TASP1: variants seen among roughly 807,000 people sequenced by gnomAD.
TASP1 encodes the protein threonine aspartase 1.
A neutral mutation model predicts 56.6 loss-of-function variants in TASP1; 16 were observed. The ratio of observed to expected loss-of-function variants is 0.28; its 90% CI spans 0.19 to 0.43. The LOEUF is 0.43. TASP1 is among the 20% of genes least tolerant of loss of function. The pLI is 1.00. For missense variants in TASP1, 393 were observed against 511.6 expected (o/e 0.77, Z 2.24); for synonymous variants, 179 against 184.2 (o/e 0.97, Z 0.23).
At chr20:13,519,219 A>G (rs976336089) in intron 10 of TASP1, among the ~76,000 whole-genome samples, 3 of 152,138 alleles carry the variant, frequency 2.0e-5, no homozygotes, top group African/African-American at 7.2e-5. Context: ...AAAACTATCT[A>G]TTGGGTACTA....
the TASP1 span, among the ~76,000 whole-genome samples, chr20:13,365,227 TGTTC>T: frequency 0.011 from 1,630 of 152,360 alleles, 30 homozygotes; most frequent in African/African-American, 0.034. Context: ...CTTATCTATT[TGTTC>T]TTTATTCATT....
At chr20:13,400,521 T>G (rs2041697285) in intron 13 of TASP1, among the ~76,000 whole-genome samples, 1 of 152,218 alleles carries the variant, frequency 6.6e-6, no homozygotes, top group South Asian at 2.1e-4. Flanking sequence ...AAGAAAGATC[T>G]ATTTCCAAGT....
the TASP1 span, among the ~76,000 whole-genome samples, chr20:13,265,609 C>T: frequency 7.9e-5 from 12 of 152,156 alleles, no homozygotes; most frequent in Admixed American, 3.9e-4. Context: ...AAGCTCTGCA[C>T]TCAATCCATT....
chr20:13,362,100 G>A, the TASP1 span, among the ~76,000 whole-genome samples: 4 of 149,406 alleles, frequency 2.7e-5, no homozygotes, highest in Admixed American at 2.0e-4. Flanking sequence ...AGGTTCCCAC[G>A]CCGCCCCTAA....
intron 11 of TASP1, among the ~76,000 whole-genome samples, chr20:13,479,779 G>A (rs867821127): frequency 2.0e-5 from 3 of 152,054 alleles, no homozygotes; most frequent in Non-Finnish European, 4.4e-5. Context: ...TACAGGCCAC[G>A]GCATTCAGCC....
At chr20:13,122,126 T>C in the TASP1 span, among the ~76,000 whole-genome samples, 2 of 152,334 alleles carry the variant, frequency 1.3e-5, no homozygotes, top group African/African-American at 4.8e-5. Context: ...TTCCTCCATC[T>C]CTAAAACCCG....
rs150337500 is a variant in TASP1 at position 13,480,715 on chromosome 20, GT to G, written c.985+2511del. Among the ~76,000 whole-genome samples the G allele has an allele frequency of 6.9e-3, 1,054 of 152,312 alleles. 12 individuals carry two copies. Among genetic ancestry groups the G allele is most frequent in the African/African-American group, 0.024 (1,004 of 41,570 alleles). On this transcript the variant is annotated intron_variant, in intron 11 of 13. Coordinates refer to ENST00000337743, the MANE Select transcript of TASP1 (RefSeq NM_017714.3). ...AATCTGTAGTTTTAGACTCAGTAAA[GT>G]ACTTGGGATCATTCTCAACAACCAT... is the stretch of plus-strand genomic sequence containing the variant.
chr20:13,333,606 T>C, the TASP1 span, among the ~76,000 whole-genome samples: 2 of 152,234 alleles, frequency 1.3e-5, no homozygotes, highest in Non-Finnish European at 2.9e-5. Flanking sequence ...TAAGCTACGA[T>C]GTTCAAACTT....
At chr20:13,117,597 GGGGCCGT>G in the TASP1 span, 2 of 1,614,056 alleles carry the variant, frequency 1.2e-6, no homozygotes, top group Non-Finnish European at 1.7e-6. Flanking sequence ...TCACAGTATT[GGGGCCGT>G]GGGCCCAACC....
chr20:13,379,319 CT>C, the TASP1 span, among the ~76,000 whole-genome samples: 1 of 152,292 alleles, frequency 6.6e-6, no homozygotes, highest in Non-Finnish European at 1.5e-5. Context: ...GATTTTATTT[CT>C]CTTTTGCTTA....
chr20:13,239,894 A>T, the TASP1 span, among the ~76,000 whole-genome samples: 15 of 152,178 alleles, frequency 9.9e-5, no homozygotes, highest in Non-Finnish European at 8.8e-5. Context: ...ACAATCCCCC[A>T]TTTCTGAACA....
intron 6 of TASP1, among the ~76,000 whole-genome samples, chr20:13,573,117 A>G (rs981358304): frequency 1.3e-5 from 2 of 152,256 alleles, no homozygotes; most frequent in Non-Finnish European, 2.9e-5. Flanking sequence ...AATGCAAATA[A>G]AGAAAAACTT....
the TASP1 span, among the ~76,000 whole-genome samples, chr20:13,219,053 G>T: frequency 5.3e-5 from 8 of 152,114 alleles, no homozygotes; most frequent in Admixed American, 2.0e-4. Flanking sequence ...TTTTTGCCTT[G>T]GGTCCAAAAC....
the TASP1 span, among the ~76,000 whole-genome samples, chr20:13,289,791 C>T: frequency 6.6e-6 from 1 of 152,126 alleles, no homozygotes; most frequent in South Asian, 2.1e-4. Flanking sequence ...GGTGTATAGT[C>T]TTACTGTGTA....
At chr20:13,389,343 T>A (rs897335665), downstream of TASP1, 7 of 152,318 alleles carry the variant, frequency 4.6e-5, no homozygotes, top group Middle Eastern at 3.4e-3. Flanking sequence ...GATAATGGTA[T>A]GATTTCTGGG....
chr20:13,623,095 G>A (rs1005261227), intron 4 of TASP1, among the ~76,000 whole-genome samples: 1 of 152,108 alleles, frequency 6.6e-6, no homozygotes, highest in Non-Finnish European at 1.5e-5. Flanking sequence ...CTTCTAGACA[G>A]TTGGAATTTT....
chr20:13,266,894 A>C, the TASP1 span, among the ~76,000 whole-genome samples: 1 of 152,202 alleles, frequency 6.6e-6, no homozygotes, highest in East Asian at 1.9e-4. Flanking sequence ...AGCTGGACTG[A>C]TGTCCTCAAC....
chr20:13,239,051 G>A, the TASP1 span: 5 of 152,276 alleles, frequency 3.3e-5, no homozygotes, highest in African/African-American at 7.2e-5. Context: ...ATGCAATTCC[G>A]AAGACATCAT....
the TASP1 span, among the ~76,000 whole-genome samples, chr20:13,278,875 C>T: frequency 3.3e-5 from 5 of 152,200 alleles, no homozygotes; most frequent in South Asian, 1.0e-3. Context: ...CTCCTCCATG[C>T]AGCCTCTCTC....
Sources: allele counts gnomAD v4.1 joint callset (sites outside exome capture counted in the v4.1 genomes callset), GRCh38; gene constraint gnomAD v4.1.1; transcripts MANE v1.5; gene names NCBI Gene and HGNC (gene_info 2026-07-23, HGNC 2026-07-21).